Variants in KLHL14 observed in about 807,000 individuals in gnomAD.
KLHL14 encodes kelch like family member 14, also known as kelch-like protein 14.
A neutral mutation model predicts 64.3 loss-of-function variants in KLHL14; 22 were observed. The observed-to-expected ratio is 0.34, with a 90% CI of 0.24 to 0.49. The LOEUF (loss-of-function observed/expected upper bound fraction) is 0.49, where lower values mean the gene tolerates loss of function less well. KLHL14 is among the 20% of genes least tolerant of loss of function. KLHL14 has a pLI of 0.99. For synonymous variants in KLHL14, 322 were observed against 333.4 expected, an observed-to-expected ratio of 0.97 and a Z score of 0.37; for missense variants, 661 against 789.0, an observed-to-expected ratio of 0.84 and a Z score of 1.94.
intron 4 of KLHL14, among the ~76,000 whole-genome samples, chr18:32,688,661 G>A (rs2049892296): frequency 6.6e-6 from 1 of 152,174 alleles, no homozygotes; most frequent in Non-Finnish European, 1.5e-5. Flanking sequence ...AGGGTAACTG[G>A]GCAGAGGTCA....
chr18:32,684,400 C>T (rs550501604), intron 5 of KLHL14, among the ~76,000 whole-genome samples: 21 of 152,226 alleles, frequency 1.4e-4, no homozygotes, highest in Admixed American at 1.3e-4. Context: ...GTAGGCTATC[C>T]TGGGACTCAA....
chr18:32,744,034 C>A (rs1263775815), intron 2 of KLHL14: 1 of 152,210 alleles, frequency 6.6e-6, no homozygotes, highest in Non-Finnish European at 1.5e-5. Context: ...TAACATCACT[C>A]GTCCACATGC....
intron 3 of KLHL14, among the ~76,000 whole-genome samples, chr18:32,702,347 T>G (rs984785779): frequency 1.4e-5 from 2 of 140,134 alleles, no homozygotes; most frequent in Non-Finnish European, 3.2e-5. Flanking sequence ...TTTTGTTTTT[T>G]TTTTTTTTAA....
At chr18:32,761,528 T>C (rs1402533040) in intron 2 of KLHL14, among the ~76,000 whole-genome samples, 2 of 151,962 alleles carry the variant, frequency 1.3e-5, no homozygotes, top group Admixed American at 1.3e-4. Context: ...TTACTTAGAA[T>C]GGCTCATCTT....
chr18:32,687,249 C>T lies in KLHL14; in HGVS notation c.1160-16G>A, dbSNP rs186977078. On this transcript the variant is annotated splice_polypyrimidine_tract_variant and intron_variant, in intron 4 of 8. Transcript: ENST00000359358. Reference sequence around the variant, plus strand: ...CTGTGTTTTCCTGTAAAAATGCATTCGAGACATTTAAAACTTAGATTCTTT... The same window carrying T: ...CTGTGTTTTCCTGTAAAAATGCATTTGAGACATTTAAAACTTAGATTCTTT... 1.9e-4 allele frequency: 307 copies of T among 1,596,296 alleles called. 4 individuals carry two copies. Among genetic ancestry groups the T allele is most frequent in the Admixed American group, 1.1e-3 (63 of 59,978 alleles).
In KLHL14 at chr18:32,680,591, C is replaced by T; in HGVS notation, c.1247G>A (p.Ser416Asn). ...CTTGTCCAACCGACATGCATAGAAACTGGCTCTTCTACAATGAAAAGAACC... is the reference window on the plus strand; with the variant it reads ...CTTGTCCAACCGACATGCATAGAAATTGGCTCTTCTACAATGAAAAGAACC... ...QLPPMQERRA[S>N]FYACRLDKHL... Residue 416 changes from serine (S) to asparagine (N), a missense_variant, in exon 6 of 9, where the codon AGT becomes AAT. By Grantham distance (46) the Ser-to-Asn change is conservative (BLOSUM62 1). Transcript: ENST00000359358. The surrounding 1 kb of genome is among the most constrained non-coding windows in gnomAD (Gnocchi z 4.8). The T allele has an allele frequency of 6.2e-7, 1 of 1,608,016 alleles. No homozygotes were observed. Among genetic ancestry groups the T allele is most frequent in the Non-Finnish European group, 8.5e-7 (1 of 1,177,104 alleles).
At chr18:32,734,099 G>A (rs201817473) in intron 3 of KLHL14, 448 of 700,238 alleles carry the variant, frequency 6.4e-4, no homozygotes, top group Admixed American at 1.1e-3. Flanking sequence ...TTTGAGCACA[G>A]CAGAAGAATA....
chr18:32,770,155 T>C lies in KLHL14; in HGVS notation c.437A>G (p.Asn146Ser). 2.5e-6 allele frequency: 4 copies of C among 1,614,106 alleles called. No individual in the cohort carries two copies. Among genetic ancestry groups the C allele is most frequent in the Non-Finnish European group, 2.5e-6 (3 of 1,180,020 alleles). Residue 146 changes from asparagine (N) to serine (S), a missense_variant, in exon 2 of 9, where the codon AAC (asparagine) becomes AGC (serine). By Grantham distance (46) the Asn-to-Ser change is conservative. Around this residue, in one of 2 missense-constraint regions of KLHL14, gnomAD observed 331 missense variants for 339.0 expected, o/e 0.98. Coordinates refer to ENST00000359358, the MANE Select transcript of KLHL14 (RefSeq NM_020805.3). This position sits in a 1 kb window ranked among gnomAD's most constrained non-coding sequence, Gnocchi z 6.7. ...CACCGTGTCCAGGGACAGGGTCACG[T>C]TGGCCGTGTAGAGGTACTCGAGCAC... ...RLVLEYLYTA[N>S]VTLSLDTVEE...
intron 2 of KLHL14, among the ~76,000 whole-genome samples, chr18:32,758,014 T>G (rs1237803096): frequency 6.6e-6 from 1 of 152,162 alleles, no homozygotes. Context: ...TACAGGATAT[T>G]TATAACTTAA....
chr18:32,682,522 A>G (rs1252673625), intron 5 of KLHL14, among the ~76,000 whole-genome samples: 1 of 152,148 alleles, frequency 6.6e-6, no homozygotes, highest in Non-Finnish European at 1.5e-5. Flanking sequence ...GCACATGTGC[A>G]TTTTTTGGAG....
Position 32,770,291 on chromosome 18 carries a change from G to A in KLHL14, c.301C>T (p.Gln101Ter). The A allele has an allele frequency of 1.3e-6, 2 of 1,587,014 alleles. No individual in the cohort carries two copies. Among genetic ancestry groups the A allele is most frequent in the Non-Finnish European group, 1.7e-6 (2 of 1,166,360 alleles). The change falls in exon 2 of 9, where the codon CAG (glutamine) becomes TAG (stop). Residue 101 changes from glutamine to a stop codon, truncating the protein, a stop_gained. Coordinates refer to ENST00000359358, the MANE Select transcript of KLHL14 (RefSeq NM_020805.3). LOFTEE classifies it high-confidence loss of function. The surrounding 1 kb of genome is among the most constrained non-coding windows in gnomAD (Gnocchi z 6.7). The part of the protein sequence containing the change: ...QPSQQQQPPP[Q>*]EEPGTPSSSP... ...GAAGAAGGAGTCCCGGGCTCCTCCTGCGGCGGCGGCTGCTGCTGCTGTGAC... is the reference window on the plus strand; with the variant it reads ...GAAGAAGGAGTCCCGGGCTCCTCCTACGGCGGCGGCTGCTGCTGCTGTGAC...
Position 32,680,111 on chromosome 18 carries a change from G to C in KLHL14, c.1588+58C>G. 6.5e-7 allele frequency: 1 copy of C among 1,545,912 alleles called. No individual in the cohort carries two copies. The highest frequency in any genetic ancestry group is 8.8e-7 in the Non-Finnish European group (1 of 1,130,900). ...TTATCTAAGGAGAAACCCCCTTAGC[G>C]AGAAATATGAGGTGCAAATGTTATT... On this transcript the variant is annotated intron_variant, in intron 7 of 8. Transcript: ENST00000359358. This position sits in a 1 kb window ranked among gnomAD's most constrained non-coding sequence, Gnocchi z 4.8.
intron 3 of KLHL14, among the ~76,000 whole-genome samples, chr18:32,719,890 T>C (rs1417538363): frequency 4.6e-5 from 7 of 152,176 alleles, no homozygotes; most frequent in African/African-American, 7.2e-5. Context: ...TGGGATGTGC[T>C]CCCTTCGCAG....
intron 2 of KLHL14, among the ~76,000 whole-genome samples, chr18:32,769,106 G>A (rs2050362559): frequency 6.6e-6 from 1 of 152,220 alleles, no homozygotes; most frequent in Non-Finnish European, 1.5e-5. Context: ...GACATCGACA[G>A]GGAGCAGATC....
chr18:32,745,542 T>A (rs1192910161), intron 2 of KLHL14: 1 of 152,210 alleles, frequency 6.6e-6, no homozygotes, highest in Non-Finnish European at 1.5e-5. Context: ...CAGAAAACTA[T>A]GAAGATTTCT....
chr18:32,673,963 A>C lies in KLHL14; in HGVS notation c.*694T>G, dbSNP rs1012219809. 3.3e-5 allele frequency: 5 copies of C among 152,162 alleles called. No individual in the cohort carries two copies. The highest frequency in any genetic ancestry group is 7.2e-5 in the African/African-American group (3 of 41,434). 9.4% of individuals were successfully genotyped at this position (152,162 alleles called of 1,614,324 possible). On this transcript the variant is annotated 3_prime_UTR_variant, in exon 9 of 9. Transcript: ENST00000359358. ...TATTTTGTTTTAATCTTTCAGATAA[A>C]ATTGAGGACACAGAAATGACGACTC...
rs969219208 is a variant in KLHL14 at position 32,709,561 on chromosome 18, C to G, written c.1070-14009G>C. Among the ~76,000 whole-genome samples the G allele has an allele frequency of 2.0e-5, 3 of 152,102 alleles. 1 individual carries two copies. The highest frequency in any genetic ancestry group is 4.1e-4 in the South Asian group (2 of 4,826). On this transcript the variant is annotated intron_variant, in intron 3 of 8. Transcript: ENST00000359358. ...CTCCTGGGCACAAGGGATCCTCCCCCCTCAGCCTTCCCAAGTTGCTAGGAC... is the reference window on the plus strand; with the variant it reads ...CTCCTGGGCACAAGGGATCCTCCCCGCTCAGCCTTCCCAAGTTGCTAGGAC...
At chr18:32,709,716 C>T (rs1020635460) in intron 3 of KLHL14, among the ~76,000 whole-genome samples, 5 of 152,150 alleles carry the variant, frequency 3.3e-5, no homozygotes, top group African/African-American at 7.2e-5. Context: ...GTACTAACTG[C>T]ATAGGTAAGA....
rs143903981 is a variant in KLHL14 at position 32,674,717 on chromosome 18, C to T, written c.1827G>A (p.Pro609=). 39 of 780,850 alleles carry T rather than the reference C, an allele frequency of 5.0e-5. No individual in the cohort carries two copies. Among genetic ancestry groups the T allele is most frequent in the African/African-American group, 3.6e-4 (21 of 59,130 alleles). The allele number at this position is 780,850 out of a possible 1,614,324, so 48.4% of individuals were successfully genotyped here. ...CTGTCACACAGGCAGGGCCTGCCAACGGTTCTGCTACATCTCCTTCGAGTT... is the reference window on the plus strand; with the variant it reads ...CTGTCACACAGGCAGGGCCTGCCAATGGTTCTGCTACATCTCCTTCGAGTT... The part of the protein sequence containing the change: ...WTELEGDVAE[P]LAGPACVTVI... The change falls in exon 9 of 9, where the codon CCG becomes CCA. Residue 609 remains proline, a synonymous_variant. Coordinates refer to ENST00000359358, the MANE Select transcript of KLHL14 (RefSeq NM_020805.3).
Sources: gnomAD v4.1 joint callset for allele counts (sites outside exome capture counted in the v4.1 genomes callset) on GRCh38, gnomAD v4.1.1 for gene constraint, gnomAD v4.1.1 regional missense constraint, Gnocchi (gnomAD v3.1) non-coding constraint, MANE v1.5 for transcripts, NCBI Gene and HGNC (gene_info 2026-07-23, HGNC 2026-07-21) for gene names.